GRIK2: variants seen among roughly 807,000 people sequenced by gnomAD.
GRIK2 encodes glutamate receptor ionotropic, kainate 2.
In GRIK2, 32 loss-of-function variants were observed where a neutral mutation model predicts 100.3. The ratio of observed to expected loss-of-function variants is 0.32; its 90% CI spans 0.24 to 0.43. The LOEUF (loss-of-function observed/expected upper bound fraction) is 0.43. GRIK2 is among the 20% of genes least tolerant of loss of function. The pLI, the probability that GRIK2 is intolerant of heterozygous loss-of-function variation, is 1.00. For missense variants in GRIK2, 843 were observed against 1,114.9 expected (o/e 0.76, Z 3.47); for synonymous variants, 417 against 389.4 (o/e 1.07, Z -0.83).
chr6:101,887,139 C>T (rs1186834739), intron 11 of GRIK2, among the ~76,000 whole-genome samples: 1 of 151,814 alleles, frequency 6.6e-6, no homozygotes, highest in Non-Finnish European at 1.5e-5. Context: ...CTTCTCTCTA[C>T]TTCTATGAAA....
chr6:101,612,888 G>A lies in GRIK2; in HGVS notation c.116-9061G>A, dbSNP rs959013111. Among the ~76,000 whole-genome samples, 2 of 151,472 alleles carry A rather than the reference G, an allele frequency of 1.3e-5. 1 individual carries two copies. Among genetic ancestry groups the A allele is most frequent in the East Asian group, 3.9e-4 (2 of 5,148 alleles). On this transcript the variant is annotated intron_variant, in intron 2 of 16. Transcript: ENST00000369134. ...ATATGGCTGTATGACTGGGGAAGTG[G>A]GAGTGGTAAGAAAAGAGGTTGGAAA...
At chr6:102,006,927 ATAAT>A (rs757094996) in intron 14 of GRIK2, among the ~76,000 whole-genome samples, 16 of 152,234 alleles carry the variant, frequency 1.1e-4, no homozygotes, top group Admixed American at 2.0e-4. Context: ...TTAAATGGAA[ATAAT>A]TAATATTAAT....
intron 10 of GRIK2, among the ~76,000 whole-genome samples, chr6:101,825,341 A>T (rs1782252794): frequency 6.6e-6 from 1 of 152,040 alleles, no homozygotes; most frequent in East Asian, 1.9e-4. Flanking sequence ...AGTGTGTTTT[A>T]TTTCAAATGT....
intron 14 of GRIK2, among the ~76,000 whole-genome samples, chr6:101,996,622 G>C (rs1431018726): frequency 6.6e-6 from 1 of 152,100 alleles, no homozygotes; most frequent in Non-Finnish European, 1.5e-5. Context: ...AGCATCACCA[G>C]TGACAAACAC....
In GRIK2 at chr6:101,425,587, T is replaced by C. The variant is rs6901509; in HGVS notation, c.115+26195T>C. On this transcript the variant is annotated intron_variant, in intron 2 of 16. Transcript: ENST00000369134. ...AACTGTATACAATGTTATCCTACAT[T>C]TTTCACTTTGTATTAAAGTTTTAAA... Among the ~76,000 whole-genome samples, 883 of 152,310 alleles carry C rather than the reference T, an allele frequency of 5.8e-3. 4 individuals are homozygous for C. The highest frequency in any genetic ancestry group is 0.02 in the African/African-American group (843 of 41,576).
chr6:101,730,850 G>T (rs1230657557), intron 7 of GRIK2, among the ~76,000 whole-genome samples: 1 of 151,844 alleles, frequency 6.6e-6, no homozygotes, highest in African/African-American at 2.4e-5. Context: ...TGATTTGAGA[G>T]AATAAGGATA....
intron 15 of GRIK2, among the ~76,000 whole-genome samples, chr6:102,036,232 C>T (rs2782914): frequency 5.2e-3 from 529 of 100,896 alleles, no homozygotes; most frequent in African/African-American, 0.012. Context: ...CGTAAGTAAA[C>T]ACACACACAC....
chr6:101,456,723 C>A (rs1771029402), intron 2 of GRIK2, among the ~76,000 whole-genome samples: 1 of 151,330 alleles, frequency 6.6e-6, no homozygotes, highest in Non-Finnish European at 1.5e-5. Flanking sequence ...AGAATGTAAG[C>A]TATGTTCTTT....
At chr6:101,521,206 G>A (rs889439616) in intron 2 of GRIK2, among the ~76,000 whole-genome samples, 3 of 151,822 alleles carry the variant, frequency 2.0e-5, no homozygotes. Context: ...CTAGTACCTG[G>A]AATTTCCACA....
intron 14 of GRIK2, among the ~76,000 whole-genome samples, chr6:102,029,053 A>C (rs1769852283): frequency 6.6e-6 from 1 of 151,126 alleles, no homozygotes; most frequent in African/African-American, 2.4e-5. Context: ...TCTTTTGGAG[A>C]GTATTTCCTA....
rs537878564 is a variant in GRIK2 at position 101,664,950 on chromosome 6, C to A, written c.542-11673C>A. On this transcript the variant is annotated intron_variant, in intron 4 of 16. Transcript: ENST00000369134. The stretch of plus-strand genomic sequence containing the variant: ...CATGAGAACAGTATAGAAAAACCCA[C>A]CCCCATGATTCAATTACCTCCCACT... 3.9e-5 allele frequency among the ~76,000 whole-genome samples: 6 copies of A among 152,256 alleles called. No homozygotes were observed. In the South Asian group the frequency reaches 1.2e-3, roughly 32 times the overall value.
At chr6:101,740,230 T>G (rs1775933695) in intron 7 of GRIK2, among the ~76,000 whole-genome samples, 1 of 152,202 alleles carries the variant, frequency 6.6e-6, no homozygotes, top group Admixed American at 6.5e-5. Context: ...CCCTGCTCTC[T>G]GCACTGGCTT....
intron 2 of GRIK2, among the ~76,000 whole-genome samples, chr6:101,451,310 A>G (rs1038101625): frequency 3.3e-5 from 5 of 151,716 alleles, no homozygotes; most frequent in East Asian, 1.9e-4. Flanking sequence ...GAGATGCTAT[A>G]TAGTACTCCT....
chr6:101,460,057 G>A (rs775306642), intron 2 of GRIK2, among the ~76,000 whole-genome samples: 7 of 152,020 alleles, frequency 4.6e-5, no homozygotes, highest in East Asian at 1.9e-4. Context: ...GTGCCCGGCC[G>A]CACATCTGTT....
chr6:101,615,874 C>T (rs1344447296), intron 2 of GRIK2, among the ~76,000 whole-genome samples: 1 of 151,654 alleles, frequency 6.6e-6, no homozygotes, highest in African/African-American at 2.4e-5. Flanking sequence ...TTATAAAAAC[C>T]AGCTGAGATC....
At chr6:101,437,981 A>G (rs1351089037) in intron 2 of GRIK2, among the ~76,000 whole-genome samples, 1 of 152,164 alleles carries the variant, frequency 6.6e-6, no homozygotes, top group Admixed American at 6.6e-5. Context: ...ACTAGTGGAA[A>G]TAAACTTGAC....
At chr6:101,600,267 T>C (rs527250388) in intron 2 of GRIK2, among the ~76,000 whole-genome samples, 5 of 152,000 alleles carry the variant, frequency 3.3e-5, no homozygotes, top group South Asian at 4.1e-4. Flanking sequence ...TTGTGGCTGA[T>C]TTTGTTCCAG....
intron 2 of GRIK2, among the ~76,000 whole-genome samples, chr6:101,470,317 T>G (rs1771878786): frequency 6.6e-6 from 1 of 152,148 alleles, no homozygotes; most frequent in South Asian, 2.1e-4. Context: ...TTTCTTTCAC[T>G]TTCCCTGAGA....
chr6:101,494,554 T>C (rs567731323), intron 2 of GRIK2, among the ~76,000 whole-genome samples: 4 of 152,086 alleles, frequency 2.6e-5, no homozygotes, highest in Non-Finnish European at 5.9e-5. Context: ...TTAGTATTCA[T>C]TGTAGACGAC....
Sources: allele counts gnomAD v4.1 joint callset (sites outside exome capture counted in the v4.1 genomes callset), GRCh38; gene constraint gnomAD v4.1.1; transcripts MANE v1.5; gene names NCBI Gene and HGNC (gene_info 2026-07-23, HGNC 2026-07-21).